SORBS2: variants seen among roughly 807,000 people sequenced by gnomAD.
SORBS2 encodes sorbin and SH3 domain-containing protein 2.
In SORBS2, 46 loss-of-function variants were observed where a neutral mutation model predicts 97.7. The ratio of observed to expected loss-of-function variants is 0.47; its 90% confidence interval spans 0.37 to 0.60. The LOEUF (loss-of-function observed/expected upper bound fraction) is 0.60. Ranked by LOEUF, SORBS2 falls within the 20% of genes least tolerant of loss-of-function variation. The probability of loss-of-function intolerance (pLI) is 0.00; values close to 1 mark genes in which losing one functional copy is unlikely to be tolerated. For synonymous variants in SORBS2, 476 were observed against 473.4 expected, an observed-to-expected ratio of 1.01 and a Z score of -0.07; for missense variants, 1,316 against 1,282.3, an observed-to-expected ratio of 1.03 and a Z score of -0.40.
At chr4:185,677,530 T>C (rs556252611) in intron 4 of SORBS2, 1 of 1,550,644 alleles carries the variant, frequency 6.4e-7, no homozygotes, top group Non-Finnish European at 8.7e-7. Context: ...TACTCTGTAC[T>C]GGAGGGAATT....
intron 1 of SORBS2, among the ~76,000 whole-genome samples, chr4:185,897,732 G>A (rs1561279423): frequency 6.6e-6 from 1 of 152,120 alleles, no homozygotes; most frequent in Non-Finnish European, 1.5e-5. Flanking sequence ...GCACGAGAGG[G>A]CGTTCAAAAA....
At chr4:185,862,445 G>T (rs1323195540) in intron 1 of SORBS2, among the ~76,000 whole-genome samples, 1 of 152,216 alleles carries the variant, frequency 6.6e-6, no homozygotes, top group East Asian at 1.9e-4. Flanking sequence ...ACTGTGAACT[G>T]GTGGGTCCCA....
At chr4:185,866,279 C>G (rs762497180) in intron 1 of SORBS2, among the ~76,000 whole-genome samples, 5 of 152,126 alleles carry the variant, frequency 3.3e-5, no homozygotes, top group Non-Finnish European at 7.4e-5. Flanking sequence ...GCAGTGTTTA[C>G]CAGGAAGCTG....
chr4:185,890,109 A>G (rs925034280), intron 1 of SORBS2, among the ~76,000 whole-genome samples: 1 of 151,116 alleles, frequency 6.6e-6, no homozygotes, highest in African/African-American at 2.4e-5. Flanking sequence ...CTGGTCTTGA[A>G]CTCCTGACCT....
At chr4:185,608,569 A>G (rs2096476624) in intron 12 of SORBS2, among the ~76,000 whole-genome samples, 1 of 152,246 alleles carries the variant, frequency 6.6e-6, no homozygotes, top group Non-Finnish European at 1.5e-5. Context: ...AAATGAAACA[A>G]TACATTTGAA....
intron 11 of SORBS2, among the ~76,000 whole-genome samples, chr4:185,613,517 G>A (rs13129009): frequency 0.075 from 11,383 of 151,530 alleles, 649 homozygotes; most frequent in East Asian, 0.19. Flanking sequence ...GTGTGGTGGC[G>A]GGCACCTGTA....
At chr4:185,877,981 A>G (rs771619388) in intron 1 of SORBS2, among the ~76,000 whole-genome samples, 14 of 152,124 alleles carry the variant, frequency 9.2e-5, no homozygotes, top group Non-Finnish European at 1.3e-4. Context: ...AAGGCATAAC[A>G]TTACAATATT....
chr4:185,585,912 T>G (rs1158101803), exon 15 of SORBS2: 1 of 152,300 alleles, frequency 6.6e-6, no homozygotes, highest in Non-Finnish European at 1.5e-5. Context: ...TTCATTTGGC[T>G]TCTACGATCT....
chr4:185,842,912 C>T (rs562331253), intron 1 of SORBS2, among the ~76,000 whole-genome samples: 19 of 131,174 alleles, frequency 1.4e-4, no homozygotes, highest in East Asian at 7.1e-4. Flanking sequence ...TCCAGCCTGG[C>T]GACAGAGAAA....
At chr4:185,770,693 T>C (rs1240847687) in intron 2 of SORBS2, among the ~76,000 whole-genome samples, 1 of 144,904 alleles carries the variant, frequency 6.9e-6, no homozygotes, top group Admixed American at 6.9e-5. Flanking sequence ...CAAACACTGA[T>C]TTAAAAAAAA....
intron 4 of SORBS2, among the ~76,000 whole-genome samples, chr4:185,662,722 G>T (rs2097539545): frequency 6.6e-6 from 1 of 152,180 alleles, no homozygotes; most frequent in Non-Finnish European, 1.5e-5. Flanking sequence ...TTCCAGAGCT[G>T]GTGAATAACA....
chr4:185,774,661 C>T (rs967602819), intron 2 of SORBS2: 2 of 151,454 alleles, frequency 1.3e-5, no homozygotes, highest in Non-Finnish European at 2.9e-5. Context: ...ACACTGTCCC[C>T]TAAAATGTGC....
intron 1 of SORBS2, among the ~76,000 whole-genome samples, chr4:185,874,545 G>C (rs764931620): frequency 4.6e-5 from 7 of 152,200 alleles, no homozygotes; most frequent in Middle Eastern, 3.4e-3. Flanking sequence ...TGTTGTAATT[G>C]ACAAAATGCA....
intron 3 of SORBS2, among the ~76,000 whole-genome samples, chr4:185,647,764 CACAG>C (rs2097237334): frequency 6.6e-6 from 1 of 152,178 alleles, no homozygotes; most frequent in Admixed American, 6.5e-5. Context: ...TTGTGTAAAA[CACAG>C]ACAGCAATAA....
At chr4:185,838,948 T>C (rs1395725440) in intron 1 of SORBS2, among the ~76,000 whole-genome samples, 1 of 152,188 alleles carries the variant, frequency 6.6e-6, no homozygotes, top group African/African-American at 2.4e-5. Context: ...ATTTCTATGT[T>C]GTTTCTTTGT....
chr4:185,861,242 G>C (rs527508778), intron 1 of SORBS2, among the ~76,000 whole-genome samples: 1 of 150,438 alleles, frequency 6.6e-6, no homozygotes, highest in South Asian at 2.1e-4. Flanking sequence ...TGGCCTGAAC[G>C]AATGTTTTCA....
chr4:185,889,313 A>G (rs2099241279), intron 1 of SORBS2, among the ~76,000 whole-genome samples: 1 of 152,246 alleles, frequency 6.6e-6, no homozygotes, highest in Admixed American at 6.5e-5. Context: ...AAGAAAATGC[A>G]ATTGCTCCCT....
At chr4:185,793,464 A>G (rs1224671485) in intron 1 of SORBS2, among the ~76,000 whole-genome samples, 1 of 152,204 alleles carries the variant, frequency 6.6e-6, no homozygotes, top group African/African-American at 2.4e-5. Flanking sequence ...TGTTTGTTAT[A>G]CTCTAATGAA....
intron 4 of SORBS2, among the ~76,000 whole-genome samples, chr4:185,632,397 A>G (rs186663331): frequency 7.2e-5 from 11 of 152,314 alleles, no homozygotes; most frequent in Admixed American, 7.2e-4. Flanking sequence ...ATCAGGAGAA[A>G]AGTTTGGTTT....
Sources: allele counts gnomAD v4.1 joint callset (sites outside exome capture counted in the v4.1 genomes callset), GRCh38; gene constraint gnomAD v4.1.1; transcripts MANE v1.5; gene names NCBI Gene and HGNC (gene_info 2026-07-23, HGNC 2026-07-21).